PTPRT: variants seen among roughly 807,000 people sequenced by gnomAD.
PTPRT encodes the protein protein tyrosine phosphatase receptor type T, also known as receptor-type tyrosine-protein phosphatase T.
A neutral mutation model predicts 176.8 loss-of-function variants in PTPRT; 56 were observed. The observed-to-expected ratio is 0.32, with a 90% CI of 0.26 to 0.40. The LOEUF is 0.40. Ranked by LOEUF, PTPRT falls within the 10% of genes least tolerant of loss-of-function variation. The pLI, the probability that PTPRT is intolerant of heterozygous loss-of-function variation, is 1.00. For missense variants in PTPRT, 1,540 were observed against 1,908.2 expected, an observed-to-expected ratio of 0.81 and a Z score of 3.60; for synonymous variants, 783 against 739.0, an observed-to-expected ratio of 1.06 and a Z score of -0.96.
intron 7 of PTPRT, among the ~76,000 whole-genome samples, chr20:42,482,376 C>T (rs2071402450): frequency 6.6e-6 from 1 of 152,138 alleles, no homozygotes. Context: ...CCTACCATCC[C>T]TAAGAAGAAA....
rs548550147 is a variant in PTPRT, at chr20:43,095,360, A to G, written c.88+94286T>C. 3.3e-5 allele frequency among the ~76,000 whole-genome samples: 5 copies of G among 152,244 alleles called. No individual in the cohort carries two copies. In the South Asian group the frequency reaches 1.0e-3, roughly 32 times the overall value. ...TTTTTCAGTTTTACAGCTGAGAACT[A>G]AAGAGTGTGGAGGTTAAGTGACTCG... is the stretch of plus-strand genomic sequence containing the variant. On this transcript the variant is annotated intron_variant, in intron 1 of 30. Transcript: ENST00000373187.
At chr20:42,607,052 T>C (rs781622262) in intron 7 of PTPRT, among the ~76,000 whole-genome samples, 1 of 152,216 alleles carries the variant, frequency 6.6e-6, no homozygotes, top group Non-Finnish European at 1.5e-5. Context: ...TGCTACTACA[T>C]AGATTAGCCT....
chr20:42,508,085 C>T (rs1291241485), intron 7 of PTPRT, among the ~76,000 whole-genome samples: 1 of 142,250 alleles, frequency 7.0e-6, no homozygotes, highest in Non-Finnish European at 1.5e-5. Context: ...GGTTATGTGG[C>T]TCTGTGATAA....
At chr20:42,553,293 C>T (rs1187666953) in intron 7 of PTPRT, among the ~76,000 whole-genome samples, 1 of 152,124 alleles carries the variant, frequency 6.6e-6, no homozygotes, top group Non-Finnish European at 1.5e-5. Context: ...TCTTTCTTCT[C>T]CACACATTTT....
At chr20:42,894,802 C>A (rs550816134) in intron 1 of PTPRT, among the ~76,000 whole-genome samples, 36 of 152,284 alleles carry the variant, frequency 2.4e-4, no homozygotes, top group Non-Finnish European at 1.0e-4. Flanking sequence ...TCTGGAGGAC[C>A]AGGCATAGGG....
At chr20:42,540,721 G>A (rs922327654) in intron 7 of PTPRT, among the ~76,000 whole-genome samples, 8 of 152,144 alleles carry the variant, frequency 5.3e-5, no homozygotes, top group Non-Finnish European at 1.0e-4. Context: ...TAGCTTCAGG[G>A]AAAACATAAT....
chr20:43,083,029 T>C (rs938661567), intron 1 of PTPRT, among the ~76,000 whole-genome samples: 3 of 151,920 alleles, frequency 2.0e-5, no homozygotes, highest in Non-Finnish European at 4.4e-5. Context: ...TTTTAGTCGG[T>C]CAGGGAGATG....
intron 9 of PTPRT, among the ~76,000 whole-genome samples, chr20:42,424,614 T>C (rs1013852359): frequency 6.6e-6 from 1 of 152,046 alleles, no homozygotes; most frequent in Admixed American, 6.6e-5. Context: ...GCTGGTGTAA[T>C]TGGAAGTCAC....
intron 8 of PTPRT, among the ~76,000 whole-genome samples, chr20:42,461,598 T>C (rs541589150): frequency 1.3e-5 from 2 of 152,256 alleles, no homozygotes; most frequent in East Asian, 3.9e-4. Flanking sequence ...TGTGATGAAT[T>C]GGAAGCAAAG....
chr20:42,319,528 C>T (rs955484861), intron 11 of PTPRT, among the ~76,000 whole-genome samples: 2 of 152,176 alleles, frequency 1.3e-5, no homozygotes, highest in Non-Finnish European at 2.9e-5. Context: ...CCTGTCCATT[C>T]AAAAGCAAAC....
chr20:42,506,576 G>A (rs1028776516), intron 7 of PTPRT, among the ~76,000 whole-genome samples: 4 of 151,912 alleles, frequency 2.6e-5, no homozygotes, highest in African/African-American at 9.7e-5. Flanking sequence ...TCCATTCCAG[G>A]TTGTGAACAA....
chr20:42,569,142 C>T lies in PTPRT; in HGVS notation c.1154-96580G>A, dbSNP rs544303278. ...CAACTTTCATGCCATGCCAGTACTG[C>T]TCTAAGTATTTTACACAGCATAGCT... On this transcript the variant is annotated intron_variant, in intron 7 of 30. Transcript: ENST00000373187. 9.6e-5 allele frequency among the ~76,000 whole-genome samples: 12 copies of T among 125,646 alleles called. No homozygotes were observed. In the South Asian group the frequency reaches 2.7e-3, roughly 28 times the overall value. The allele number at this position is 125,646 out of a possible 152,430, so 82.4% of individuals were successfully genotyped here. A position where few individuals can be genotyped will look rare whatever the true frequency, so the allele number is the denominator to read the frequency against.
chr20:42,110,356 A>C lies in PTPRT; in HGVS notation c.3231T>G (p.Ala1077=), dbSNP rs760182662. 23 of 1,612,510 alleles carry C rather than the reference A, an allele frequency of 1.4e-5. No homozygotes were observed. Among genetic ancestry groups the C allele is most frequent in the Non-Finnish European group, 2.0e-5 (23 of 1,178,822 alleles). ...RQVKFLNPPE[A]GPIVVHCSAG... is the part of the protein sequence containing the mutation. ...ACCTGCAGTGGACCACTATGGGCCCAGCTTCCGGGGGGTTGAGGAACTTGA... is the reference window on the plus strand; with the variant it reads ...ACCTGCAGTGGACCACTATGGGCCCCGCTTCCGGGGGGTTGAGGAACTTGA... The change falls in exon 23 of 31, where the codon GCT becomes GCG. Residue 1077 remains alanine (A), a synonymous_variant. Transcript: ENST00000373187.
chr20:43,109,572 A>G (rs1419037738), intron 1 of PTPRT, among the ~76,000 whole-genome samples: 1 of 152,140 alleles, frequency 6.6e-6, no homozygotes, highest in Non-Finnish European at 1.5e-5. Flanking sequence ...GGGGCTGAGG[A>G]TATGGTGACG....
chr20:43,175,014 T>G (rs764179725), intron 1 of PTPRT, among the ~76,000 whole-genome samples: 5 of 152,238 alleles, frequency 3.3e-5, no homozygotes, highest in Non-Finnish European at 5.9e-5. Context: ...ATGCCCAAGT[T>G]CACAGCATCT....
At chr20:42,417,284 A>G (rs902316629) in intron 9 of PTPRT, among the ~76,000 whole-genome samples, 1 of 152,152 alleles carries the variant, frequency 6.6e-6, no homozygotes, top group Non-Finnish European at 1.5e-5. Flanking sequence ...CAGACAAAAT[A>G]ACCCCGCACC....
chr20:42,440,482 T>TC (rs2059303169), intron 9 of PTPRT, among the ~76,000 whole-genome samples: 1 of 135,610 alleles, frequency 7.4e-6, no homozygotes, highest in African/African-American at 2.9e-5. Flanking sequence ...TGTTTCTTTC[T>TC]TTTTTTTTTT....
intron 1 of PTPRT, among the ~76,000 whole-genome samples, chr20:43,176,876 A>T (rs546733681): frequency 9.9e-5 from 15 of 152,214 alleles, no homozygotes; most frequent in Non-Finnish European, 2.2e-4. Flanking sequence ...GGATGCTTCT[A>T]TGTACAAGCA....
intron 9 of PTPRT, among the ~76,000 whole-genome samples, chr20:42,446,564 T>C (rs1028208232): frequency 1.3e-4 from 20 of 150,854 alleles, no homozygotes; most frequent in African/African-American, 4.7e-4. Flanking sequence ...GCACAACACA[T>C]CTTTATTTCA....
Sources: allele counts gnomAD v4.1 joint callset (sites outside exome capture counted in the v4.1 genomes callset), GRCh38; gene constraint gnomAD v4.1.1; transcripts MANE v1.5; gene names NCBI Gene and HGNC (gene_info 2026-07-23, HGNC 2026-07-21).